The following SIPA1L2 variants were observed in gnomAD, a reference collection of about 807,000 sequenced individuals.
The protein encoded by SIPA1L2 is signal induced proliferation associated 1 like 2.
Under a neutral mutation model 163.9 loss-of-function variants are expected in SIPA1L2, and 56 were observed. The observed-to-expected ratio is 0.34, with a 90% confidence interval of 0.28 to 0.43. SIPA1L2 has a LOEUF of 0.43. Among genes scored for constraint, SIPA1L2 ranks in the 20% least tolerant of loss-of-function variants. SIPA1L2 has a pLI of 1.00. For missense variants in SIPA1L2, 1,974 were observed against 2,193.5 expected, an observed-to-expected ratio of 0.90 and a Z score of 2.00; for synonymous variants, 877 against 865.7, an observed-to-expected ratio of 1.01 and a Z score of -0.23.
intron 2 of SIPA1L2, among the ~76,000 whole-genome samples, chr1:232,519,729 C>T (rs1180451595): frequency 3.3e-5 from 5 of 152,196 alleles, no homozygotes; most frequent in African/African-American, 1.2e-4. Flanking sequence ...TGCTATGAAA[C>T]GAAATATTAA....
intron 1 of SIPA1L2, among the ~76,000 whole-genome samples, chr1:232,594,870 C>T (rs2225690): frequency 6.6e-6 from 1 of 152,136 alleles, no homozygotes; most frequent in Admixed American, 6.5e-5. Context: ...TGTTCCACTG[C>T]GGCTACACTG....
intron 2 of SIPA1L2, among the ~76,000 whole-genome samples, chr1:232,526,206 C>G (rs571728493): frequency 9.9e-5 from 15 of 152,210 alleles, no homozygotes; most frequent in Non-Finnish European, 2.2e-4. Context: ...CAGGAAAACA[C>G]AGACCCGGCC....
At position 232,550,523 on chromosome 1, in the gene SIPA1L2, T is replaced by C. The variant is rs78585909; in HGVS notation, c.-270+23651A>G. 9.9e-3 allele frequency among the ~76,000 whole-genome samples: 1,509 copies of C among 152,278 alleles called. 20 individuals are homozygous for C. Among genetic ancestry groups the C allele is most frequent in the African/African-American group, 0.035 (1,439 of 41,556 alleles). On this transcript the variant is annotated intron_variant, in intron 2 of 22. Transcript: ENST00000674635. ...CAACCAGAAAAGCAGTTAAACACCA[T>C]TACACAAATCAGAAGAACATTTGGA...
chr1:232,518,752 C>T (rs1170369124), intron 2 of SIPA1L2, among the ~76,000 whole-genome samples: 3 of 152,190 alleles, frequency 2.0e-5, no homozygotes, highest in African/African-American at 7.2e-5. Flanking sequence ...TCCTGCTTCT[C>T]TCTGTGTGTC....
rs779308176 is a variant in SIPA1L2 at position 232,514,594 on chromosome 1, T to C, written c.746A>G (p.Gln249Arg). 1.2e-6 allele frequency: 2 copies of C among 1,614,222 alleles called. No individual in the cohort carries two copies. Among genetic ancestry groups the C allele is most frequent in the Admixed American group, 1.7e-5 (1 of 60,030 alleles). Residue 249 changes from glutamine (Q) to arginine (R), a missense_variant, in exon 3 of 23, where the codon CAG becomes CGG. This residue lies in a region of SIPA1L2 where 607 missense variants were observed against 624.0 expected (regional missense o/e 0.97). Coordinates refer to ENST00000674635, the MANE Select transcript of SIPA1L2 (RefSeq NM_020808.5). ...AISPSLHAAA[Q>R]ISRGEFVRIS... ...GCGGACAAATTCTCCCCTAGAAATC[T>C]GTGCTGCTGCATGAAGGCTCGGAGA... is the stretch of plus-strand genomic sequence containing the variant.
At chr1:232,559,929 G>C (rs1477189577) in intron 2 of SIPA1L2, among the ~76,000 whole-genome samples, 1 of 152,128 alleles carries the variant, frequency 6.6e-6, no homozygotes, top group Non-Finnish European at 1.5e-5. Flanking sequence ...GGAAATAAAA[G>C]TTCACAAAGA....
chr1:232,528,966 T>G (rs1362366621), intron 2 of SIPA1L2, among the ~76,000 whole-genome samples: 1 of 152,186 alleles, frequency 6.6e-6, no homozygotes, highest in Non-Finnish European at 1.5e-5. Context: ...CATGAGATCT[T>G]AAGGGAGATA....
Position 232,402,377 on chromosome 1 carries a change from C to A in SIPA1L2, c.5022+15G>T. 1.9e-6 allele frequency: 3 copies of A among 1,609,824 alleles called. No homozygotes were observed. The South Asian group carries it at 3.3e-5, about 18-fold the overall frequency. On this transcript the variant is annotated intron_variant, in intron 22 of 22. Coordinates refer to ENST00000674635, the MANE Select transcript of SIPA1L2 (RefSeq NM_020808.5). ...TAAGAGAAACAGTTCTGATTATGCT[C>A]TTCCAATTGATTACCTTCCGAAGGT... is the stretch of plus-strand genomic sequence containing the variant.
At chr1:232,574,301 C>G (rs1231904514) in intron 1 of SIPA1L2, among the ~76,000 whole-genome samples, 79 bp from the exon 2 acceptor site, 1 of 152,146 alleles carries the variant, frequency 6.6e-6, no homozygotes, top group East Asian at 1.9e-4. Context: ...TCTGAGGAAT[C>G]CCCAGGGGTC....
intron 19 of SIPA1L2, among the ~76,000 whole-genome samples, chr1:232,412,208 A>C (rs1402065307): frequency 6.6e-6 from 1 of 152,214 alleles, no homozygotes; most frequent in African/African-American, 2.4e-5. Context: ...CATATGCCAA[A>C]ATGTGTAGCA....
intron 2 of SIPA1L2, among the ~76,000 whole-genome samples, chr1:232,550,040 TTAAC>T (rs1658283457): frequency 6.6e-6 from 1 of 152,236 alleles, no homozygotes; most frequent in African/African-American, 2.4e-5. Flanking sequence ...GATTACACAC[TTAAC>T]TATCTATAAG....
chr1:232,623,544 C>T (rs986035991), intron 1 of SIPA1L2, among the ~76,000 whole-genome samples: 3 of 152,066 alleles, frequency 2.0e-5, no homozygotes, highest in Admixed American at 6.6e-5. Context: ...GGAGGCAGAG[C>T]TTGCAGTGAG....
intron 19 of SIPA1L2, among the ~76,000 whole-genome samples, chr1:232,405,140 T>A (rs1660566250): frequency 6.6e-6 from 1 of 152,204 alleles, no homozygotes. Flanking sequence ...GCCAGGAACA[T>A]ATGAAGGAAA....
At chr1:232,596,663 TA>T (rs1661269871) in intron 1 of SIPA1L2, among the ~76,000 whole-genome samples, 1 of 152,236 alleles carries the variant, frequency 6.6e-6, no homozygotes, top group Admixed American at 6.5e-5. Flanking sequence ...ATAAATACTC[TA>T]TTAAATTTCC....
intron 1 of SIPA1L2, among the ~76,000 whole-genome samples, chr1:232,622,743 A>C (rs956396018): frequency 6.6e-6 from 1 of 152,240 alleles, no homozygotes; most frequent in Non-Finnish European, 1.5e-5. Context: ...TCCATATCAG[A>C]GTTCAATCAC....
At position 232,514,087 on chromosome 1, in the gene SIPA1L2, C is replaced by T; in HGVS notation, c.1253G>A (p.Gly418Glu). 2 of 1,614,172 alleles carry T rather than the reference C, an allele frequency of 1.2e-6. No individual in the cohort carries two copies. The highest frequency in any genetic ancestry group is 1.7e-6 in the Non-Finnish European group (2 of 1,180,028). ...SCPYFRNETG[G>E]EGDRRIALSR... The stretch of plus-strand genomic sequence containing the variant: ...GAGCGCAATCCGCCTGTCGCCTTCC[C>T]CTCCAGTCTCATTTCTAAAGTAAGG... Residue 418 changes from glycine (G) to glutamate (E), a missense_variant, in exon 3 of 23, where the codon GGG becomes GAG. Physicochemically the swap from Gly to Glu is moderately conservative, Grantham distance 98 (BLOSUM62 -2). Transcript: ENST00000674635.
At chr1:232,548,260 CT>C (rs1658161400) in intron 2 of SIPA1L2, among the ~76,000 whole-genome samples, 1 of 152,206 alleles carries the variant, frequency 6.6e-6, no homozygotes, top group South Asian at 2.1e-4. Context: ...AACTGTATGG[CT>C]TTCTTCTGCA....
intron 8 of SIPA1L2, among the ~76,000 whole-genome samples, 159 bp downstream of exon 8, chr1:232,471,212 T>C (rs1264487715): frequency 6.6e-6 from 1 of 151,668 alleles, no homozygotes; most frequent in African/African-American, 2.4e-5. Flanking sequence ...TTCAAGGGGA[T>C]AAAATGGGAA....
chr1:232,493,417 T>C (rs1666030897), intron 4 of SIPA1L2, 110 bp downstream of exon 4: 1 of 1,346,306 alleles, frequency 7.4e-7, no homozygotes, highest in South Asian at 1.4e-5. Context: ...GTTGCAATCA[T>C]TAACATTAAA....
Sources: gnomAD v4.1 joint callset for allele counts (sites outside exome capture counted in the v4.1 genomes callset) on GRCh38, gnomAD v4.1.1 for gene constraint, gnomAD v4.1.1 regional missense constraint, MANE v1.5 for transcripts, NCBI Gene and HGNC (gene_info 2026-07-23, HGNC 2026-07-21) for gene names.